Variants in PDE10A observed in about 807,000 individuals in gnomAD.
The protein encoded by PDE10A is phosphodiesterase 10A, also known as cAMP and cAMP-inhibited cGMP 3',5'-cyclic phosphodiesterase 10A.
PDE10A carries 39 observed loss-of-function variants against 97.7 expected under a neutral mutation model. The ratio of observed to expected loss-of-function variants is 0.40; its 90% CI spans 0.31 to 0.52. The LOEUF is 0.52. Among genes scored for constraint, PDE10A ranks in the 20% least tolerant of loss-of-function variants. The pLI is 0.56. For missense variants in PDE10A, 731 were observed against 1,047.8 expected, an observed-to-expected ratio of 0.70 and a Z score of 4.17; for synonymous variants, 371 against 376.8, an observed-to-expected ratio of 0.98 and a Z score of 0.18.
At chr6:165,793,353 A>C (rs147320047) in intron 1 of PDE10A, among the ~76,000 whole-genome samples, 234 of 152,294 alleles carry the variant, frequency 1.5e-3, no homozygotes, top group Non-Finnish European at 2.5e-3. Context: ...TACAGATTCC[A>C]AAATCCTGTC....
intron 3 of PDE10A, among the ~76,000 whole-genome samples, chr6:165,456,700 C>T (rs1208219611): frequency 8.5e-5 from 13 of 152,136 alleles, no homozygotes; most frequent in Admixed American, 8.5e-4. Flanking sequence ...CTTTCCAAGA[C>T]TAAATTTCTG....
chr6:165,853,569 G>A (rs1357979563), intron 1 of PDE10A, among the ~76,000 whole-genome samples: 1 of 152,132 alleles, frequency 6.6e-6, no homozygotes, highest in East Asian at 1.9e-4. Context: ...TCCCAAGATT[G>A]CTTTCACCTG....
At chr6:165,867,072 C>T (rs1436834154) in intron 1 of PDE10A, among the ~76,000 whole-genome samples, 1 of 151,534 alleles carries the variant, frequency 6.6e-6, no homozygotes, top group Non-Finnish European at 1.5e-5. Context: ...AAAACCCCAC[C>T]AAATTATAAA....
intron 1 of PDE10A, among the ~76,000 whole-genome samples, chr6:165,777,124 A>G (rs1022644944): frequency 3.3e-5 from 5 of 152,222 alleles, no homozygotes; most frequent in Non-Finnish European, 7.4e-5. Context: ...TGAGAACAGC[A>G]TCCCGGACGA....
chr6:165,897,194 G>A (rs990619380), intron 1 of PDE10A, among the ~76,000 whole-genome samples: 1 of 152,196 alleles, frequency 6.6e-6, no homozygotes, highest in Non-Finnish European at 1.5e-5. Context: ...TGCAGTGTTT[G>A]GAAGTGCTTT....
intron 1 of PDE10A, among the ~76,000 whole-genome samples, chr6:165,699,949 A>C (rs1201474972): frequency 1.3e-5 from 2 of 152,164 alleles, no homozygotes; most frequent in African/African-American, 4.8e-5. Flanking sequence ...AACAAAACCT[A>C]AATCAAGCAA....
intron 1 of PDE10A, among the ~76,000 whole-genome samples, chr6:165,896,575 A>G (rs1291313083): frequency 7.5e-6 from 1 of 133,622 alleles, no homozygotes; most frequent in Non-Finnish European, 1.5e-5. Flanking sequence ...CCCAGGCTGG[A>G]GTACAGTGGC....
At chr6:165,903,665 A>G (rs1192727677) in intron 1 of PDE10A, among the ~76,000 whole-genome samples, 1 of 152,198 alleles carries the variant, frequency 6.6e-6, no homozygotes, top group Admixed American at 6.5e-5. Flanking sequence ...TGGAGGTAAC[A>G]TTTTGGGAAT....
chr6:165,627,443 T>C (rs1261705547), intron 1 of PDE10A, among the ~76,000 whole-genome samples: 1 of 152,238 alleles, frequency 6.6e-6, no homozygotes, highest in East Asian at 1.9e-4. Context: ...TAAATAAAGA[T>C]GATGCCAGAT....
chr6:165,392,495 C>CA, intron 16 of PDE10A, 151 bp downstream of exon 16: 1 of 608,108 alleles, frequency 1.6e-6, no homozygotes, highest in Non-Finnish European at 2.9e-6. Flanking sequence ...TGTTTGGGTA[C>CA]AAGAGTCTAA....
At chr6:165,457,868 A>T (rs1466937343) in intron 3 of PDE10A, among the ~76,000 whole-genome samples, 2 of 152,248 alleles carry the variant, frequency 1.3e-5, no homozygotes, top group Non-Finnish European at 2.9e-5. Flanking sequence ...TTATGTAAAC[A>T]TGCATTAGAC....
intron 1 of PDE10A, among the ~76,000 whole-genome samples, chr6:165,658,208 A>C (rs1376347879): frequency 2.0e-5 from 3 of 152,200 alleles, no homozygotes; most frequent in African/African-American, 7.2e-5. Flanking sequence ...CAGTTTGTTC[A>C]AGTGTCGGCC....
intron 1 of PDE10A, among the ~76,000 whole-genome samples, chr6:165,560,146 G>A (rs60851389): frequency 0.02 from 3,056 of 152,286 alleles, 104 homozygotes; most frequent in African/African-American, 0.069. Context: ...AACTGGGCCT[G>A]GCCTAACCAA....
chr6:165,568,940 A>G (rs1462256537), intron 1 of PDE10A, among the ~76,000 whole-genome samples: 1 of 152,230 alleles, frequency 6.6e-6, no homozygotes, highest in Non-Finnish European at 1.5e-5. Context: ...TGTTCAACAG[A>G]ATAGCCGTTA....
chr6:165,376,930 G>A (rs1706115), intron 18 of PDE10A, among the ~76,000 whole-genome samples: 71,112 of 151,808 alleles, frequency 0.47, 17,560 homozygotes, highest in African/African-American at 0.64. Flanking sequence ...AGAAGGAGAA[G>A]AAAACAAATT....
chr6:165,825,414 C>T (rs1407213277), intron 1 of PDE10A, among the ~76,000 whole-genome samples: 4 of 152,128 alleles, frequency 2.6e-5, no homozygotes, highest in Non-Finnish European at 5.9e-5. Context: ...TGCTAGCAGG[C>T]CTCAAGCTGT....
intron 3 of PDE10A, among the ~76,000 whole-genome samples, chr6:165,455,157 A>C (rs1049470853): frequency 3.3e-5 from 5 of 152,094 alleles, no homozygotes; most frequent in Non-Finnish European, 7.4e-5. Flanking sequence ...TATTATTATT[A>C]TCTTGAGACA....
intron 5 of PDE10A, among the ~76,000 whole-genome samples, chr6:165,445,846 C>T (rs988807364): frequency 7.9e-5 from 12 of 151,332 alleles, no homozygotes; most frequent in African/African-American, 2.7e-4. Flanking sequence ...TAACAAGCCT[C>T]GAGAGTATCC....
chr6:165,509,678 TATTA>T (rs1315216508), intron 2 of PDE10A, among the ~76,000 whole-genome samples: 2 of 152,096 alleles, frequency 1.3e-5, no homozygotes, highest in African/African-American at 2.4e-5. Context: ...ATGCTCATTT[TATTA>T]ATTATTTTGA....
Sources: allele counts gnomAD v4.1 joint callset (sites outside exome capture counted in the v4.1 genomes callset), GRCh38; gene constraint gnomAD v4.1.1; transcripts MANE v1.5; gene names NCBI Gene and HGNC (gene_info 2026-07-23, HGNC 2026-07-21).